Variants in ANO3 observed in about 807,000 individuals in gnomAD.
ANO3 encodes the protein anoctamin 3, also known as anoctamin-3.
ANO3 carries 99 observed loss-of-function variants against 144.8 expected under a neutral mutation model. That is an observed-to-expected ratio of 0.68 (90% confidence interval 0.58 to 0.81). The LOEUF is 0.81. Ranked by LOEUF, ANO3 falls within the 30% of genes least tolerant of loss-of-function variation. ANO3 has a pLI of 0.00. For missense variants in ANO3, 905 were observed against 1,202.2 expected (o/e 0.75, Z 3.66); for synonymous variants, 414 against 392.6 (o/e 1.05, Z -0.64).
In ANO3 at chr11:26,627,854, T is replaced by TGTGTGC. The variant is rs1262119961; in HGVS notation, c.1873+3357_1873+3358insTGTGCG. The stretch of plus-strand genomic sequence containing the variant: ...GTGTGTGTGTGTGTGTGTGTGTGTG[T>TGTGTGC]GCGCCTGACATTATGTTCTGTTTAA... On this transcript the variant is annotated intron_variant, in intron 18 of 26. Coordinates refer to ENST00000256737, the MANE Select transcript of ANO3 (RefSeq NM_031418.4). Among the ~76,000 whole-genome samples, 225 of 139,680 alleles carry TGTGTGC rather than the reference T, an allele frequency of 1.6e-3. 2 individuals carry two copies. The highest frequency in any genetic ancestry group is 8.5e-3 in the South Asian group (37 of 4,350). The allele number at this position is 139,680 out of a possible 152,430, so 91.6% of individuals were successfully genotyped here.
chr11:26,327,680 AAATT>A (rs1382065141), upstream of ANO3, among the ~76,000 whole-genome samples: 3 of 152,228 alleles, frequency 2.0e-5, no homozygotes, highest in African/African-American at 7.2e-5. Context: ...TAAATAAATT[AAATT>A]GTCTATTTTT....
At chr11:26,631,178 G>A (rs1476371006) in intron 18 of ANO3, among the ~76,000 whole-genome samples, 3 of 151,934 alleles carry the variant, frequency 2.0e-5, no homozygotes, top group Non-Finnish European at 4.4e-5. Context: ...TTTATTTGGG[G>A]TGGTGGAGTC....
intron 17 of ANO3, among the ~76,000 whole-genome samples, chr11:26,605,950 G>T (rs1469216144): frequency 2.6e-5 from 4 of 151,576 alleles, no homozygotes; most frequent in Non-Finnish European, 5.9e-5. Context: ...GTTCTGCTCT[G>T]ATTTTAGTTA....
intron 1 of ANO3, among the ~76,000 whole-genome samples, chr11:26,425,075 C>A (rs1360933474): frequency 6.9e-6 from 1 of 145,702 alleles, no homozygotes; most frequent in Non-Finnish European, 1.5e-5. Context: ...TGTTCCCCTT[C>A]CTGTGTCCAA....
chr11:26,443,691 T>G, intron 2 of ANO3, 74 bp from the exon 3 acceptor site: 1 of 780,666 alleles, frequency 1.3e-6, no homozygotes. Context: ...CATTTGTCCA[T>G]CTATAACCAT....
At chr11:26,610,102 G>A (rs1440801182) in intron 17 of ANO3, among the ~76,000 whole-genome samples, 1 of 151,792 alleles carries the variant, frequency 6.6e-6, no homozygotes, top group Non-Finnish European at 1.5e-5. Flanking sequence ...GTAGAGGCGG[G>A]GTTTCTCCAT....
At chr11:26,448,602 C>A (rs190903074) in intron 3 of ANO3, among the ~76,000 whole-genome samples, 263 of 152,214 alleles carry the variant, frequency 1.7e-3, no homozygotes, top group South Asian at 3.9e-3. Flanking sequence ...AGATAATATC[C>A]ACTAATTCCC....
intron 1 of ANO3, among the ~76,000 whole-genome samples, chr11:26,387,075 A>G (rs987040594): frequency 1.4e-4 from 21 of 151,900 alleles, no homozygotes; most frequent in Admixed American, 6.6e-5. Context: ...GAAGAGGGTA[A>G]GAGACAGAGA....
intron 1 of ANO3, among the ~76,000 whole-genome samples, chr11:26,346,265 A>G (rs1410723726): frequency 6.6e-6 from 1 of 152,226 alleles, no homozygotes. Context: ...TCACCCTGAA[A>G]AAAAGTGGTT....
chr11:26,366,806 C>T (rs965321593), intron 1 of ANO3, among the ~76,000 whole-genome samples: 1 of 140,334 alleles, frequency 7.1e-6, no homozygotes, highest in East Asian at 2.1e-4. Flanking sequence ...ATATCCTTTG[C>T]CCACTTTTTG....
chr11:26,654,409 C>A (rs1296708950), intron 24 of ANO3, among the ~76,000 whole-genome samples: 1 of 151,688 alleles, frequency 6.6e-6, no homozygotes, highest in Non-Finnish European at 1.5e-5. Flanking sequence ...ATTTTATTTT[C>A]TTTTGTTTGC....
intron 17 of ANO3, among the ~76,000 whole-genome samples, chr11:26,599,942 G>T (rs1458963442): frequency 6.6e-6 from 1 of 151,750 alleles, no homozygotes; most frequent in East Asian, 1.9e-4. Context: ...CCTGCATTTT[G>T]GGTTTATAAT....
At chr11:26,476,747 C>T (rs1371295460) in intron 4 of ANO3, among the ~76,000 whole-genome samples, 3 of 152,010 alleles carry the variant, frequency 2.0e-5, no homozygotes, top group African/African-American at 7.2e-5. Flanking sequence ...ATATATCAGA[C>T]AGTTTCCCAT....
chr11:26,508,371 G>GT (rs796821880), intron 5 of ANO3, 109 bp downstream of exon 5: 15 of 980,852 alleles, frequency 1.5e-5, no homozygotes, highest in Non-Finnish European at 1.9e-5. Context: ...AAAATACATA[G>GT]TTTTTTTCTA....
intron 1 of ANO3, among the ~76,000 whole-genome samples, chr11:26,193,136 C>CTTTTTT (rs34069836): frequency 5.9e-4 from 49 of 82,574 alleles, no homozygotes; most frequent in Non-Finnish European, 7.5e-4. Flanking sequence ...TTTTGCCTAT[C>CTTTTTT]TTTTTTTTTT....
chr11:26,480,934 T>A (rs779429555), intron 4 of ANO3, among the ~76,000 whole-genome samples: 5 of 152,170 alleles, frequency 3.3e-5, no homozygotes, highest in Non-Finnish European at 5.9e-5. Flanking sequence ...TTACATGCTA[T>A]GTGACATTGG....
intron 1 of ANO3, among the ~76,000 whole-genome samples, chr11:26,394,570 C>CTTTTTT (rs56118844): frequency 2.9e-3 from 331 of 115,578 alleles, no homozygotes; most frequent in East Asian, 3.7e-3. Flanking sequence ...ATTTCATTTT[C>CTTTTTT]TTTTTTTTTT....
At chr11:26,273,171 A>G (rs1045024436) in intron 1 of ANO3, among the ~76,000 whole-genome samples, 4 of 151,464 alleles carry the variant, frequency 2.6e-5, no homozygotes, top group African/African-American at 7.3e-5. Flanking sequence ...GGTTCCATCA[A>G]TGCTTTTTTC....
intron 12 of ANO3, among the ~76,000 whole-genome samples, chr11:26,547,895 A>C (rs12290695): frequency 0.052 from 7,972 of 152,034 alleles, 265 homozygotes; most frequent in Admixed American, 0.095. Flanking sequence ...ATATTCATTC[A>C]AATCATTATA....
Sources: gnomAD v4.1 joint callset for allele counts (sites outside exome capture counted in the v4.1 genomes callset) on GRCh38, gnomAD v4.1.1 for gene constraint, MANE v1.5 for transcripts, NCBI Gene and HGNC (gene_info 2026-07-23, HGNC 2026-07-21) for gene names.